The following CHN2 variants were observed in gnomAD, a reference collection of about 807,000 sequenced individuals.
The protein encoded by CHN2 is chimerin 2, also known as beta-chimaerin.
CHN2 carries 35 observed loss-of-function variants against 56.3 expected under a neutral mutation model. The observed-to-expected ratio is 0.62, with a 90% CI of 0.47 to 0.82. The LOEUF (loss-of-function observed/expected upper bound fraction) is 0.82. Ranked by LOEUF, CHN2 falls within the 40% of genes least tolerant of loss-of-function variation. The pLI is 0.00. For missense variants in CHN2, 491 were observed against 580.5 expected, an observed-to-expected ratio of 0.85 and a Z score of 1.58; for synonymous variants, 210 against 212.8, an observed-to-expected ratio of 0.99 and a Z score of 0.12.
intron 6 of CHN2, among the ~76,000 whole-genome samples, chr7:29,454,268 G>A (rs1784599150): frequency 6.6e-6 from 1 of 152,186 alleles, no homozygotes; most frequent in African/African-American, 2.4e-5. Flanking sequence ...TATGTGTGAA[G>A]TGTTTAGAGC....
upstream of CHN2, chr7:29,193,496 C>G (rs925076304): frequency 4.6e-5 from 7 of 152,076 alleles, no homozygotes; most frequent in African/African-American, 1.2e-4. Context: ...AATGAGAGTA[C>G]TTTCATTCCT....
chr7:29,204,067 CTGTGTGTGTGTGTGTGTGTG>C (rs55930139), intron 1 of CHN2, among the ~76,000 whole-genome samples: 39 of 128,852 alleles, frequency 3.0e-4, no homozygotes, highest in Non-Finnish European at 5.6e-4. Flanking sequence ...TTCTCTCTCT[CTGTGTGTGTGTGTGTGTGTG>C]TGTGTGTGTG....
chr7:29,434,046 T>C (rs1330829892), intron 6 of CHN2, among the ~76,000 whole-genome samples: 1 of 152,200 alleles, frequency 6.6e-6, no homozygotes, highest in Non-Finnish European at 1.5e-5. Flanking sequence ...CTCTTGGCCA[T>C]CTTTTCTTCC....
At chr7:29,309,977 G>A (rs1010251132) in intron 1 of CHN2, among the ~76,000 whole-genome samples, 1 of 152,150 alleles carries the variant, frequency 6.6e-6, no homozygotes, top group South Asian at 2.1e-4. Context: ...TGCCTCAAAT[G>A]GGCCTCTCCC....
intron 1 of CHN2, among the ~76,000 whole-genome samples, chr7:29,341,910 C>G (rs1797075784): frequency 6.6e-6 from 1 of 152,212 alleles, no homozygotes; most frequent in South Asian, 2.1e-4. Flanking sequence ...ACCATGTGGC[C>G]TTGGGAAAGT....
intron 7 of CHN2, among the ~76,000 whole-genome samples, chr7:29,491,595 G>A (rs1331980048): frequency 2.0e-5 from 3 of 152,086 alleles, no homozygotes; most frequent in Admixed American, 6.6e-5. Context: ...TCTTTTTAGA[G>A]ATGGAGTCTC....
chr7:29,244,010 C>A (rs1277822734), intron 1 of CHN2, among the ~76,000 whole-genome samples: 1 of 152,114 alleles, frequency 6.6e-6, no homozygotes. Context: ...GAGGGAACTT[C>A]CTGATTTTTT....
intron 1 of CHN2, among the ~76,000 whole-genome samples, chr7:29,232,196 A>G (rs1381024110): frequency 6.6e-6 from 1 of 152,218 alleles, no homozygotes; most frequent in Non-Finnish European, 1.5e-5. Flanking sequence ...GAGACAATAG[A>G]TTCAGGACCC....
chr7:29,224,937 G>A (rs991141719), intron 1 of CHN2, among the ~76,000 whole-genome samples: 5 of 152,096 alleles, frequency 3.3e-5, no homozygotes, highest in African/African-American at 7.2e-5. Context: ...TATCATCTCC[G>A]GAGAGAGAAA....
At chr7:29,274,474 G>A (rs940814591) in intron 1 of CHN2, among the ~76,000 whole-genome samples, 6 of 152,172 alleles carry the variant, frequency 3.9e-5, no homozygotes, top group Non-Finnish European at 7.3e-5. Flanking sequence ...CAACTCATCT[G>A]CTATTTCCTG....
chr7:29,266,546 G>A lies in CHN2; in HGVS notation c.49+71556G>A, dbSNP rs534724045. 3.9e-5 allele frequency among the ~76,000 whole-genome samples: 6 copies of A among 152,300 alleles called. No individual in the cohort carries two copies. The East Asian group carries it at 1.2e-3, about 29-fold the overall frequency. On this transcript the variant is annotated intron_variant, in intron 1 of 12. Coordinates refer to ENST00000222792, the MANE Select transcript of CHN2 (RefSeq NM_004067.4). The stretch of plus-strand genomic sequence containing the variant: ...GATCTAGCATTTATTGATCGTTTAT[G>A]AGCAAGAGATTGTGTTTCAAGTGTT...
At chr7:29,222,307 A>G (rs1562843437) in intron 1 of CHN2, among the ~76,000 whole-genome samples, 1 of 152,240 alleles carries the variant, frequency 6.6e-6, no homozygotes. Flanking sequence ...TATAGATTCA[A>G]TGCTATTCCC....
At chr7:29,462,210 CA>C (rs1785218878) in intron 6 of CHN2, among the ~76,000 whole-genome samples, 1 of 152,190 alleles carries the variant, frequency 6.6e-6, no homozygotes, top group Non-Finnish European at 1.5e-5. Context: ...CCTGAACAAA[CA>C]TATGTGCTTG....
chr7:29,157,654 T>C (rs1794593180), intron 2 of CHN2, among the ~76,000 whole-genome samples: 1 of 152,228 alleles, frequency 6.6e-6, no homozygotes, highest in African/African-American at 2.4e-5. Flanking sequence ...CGCTCCATAA[T>C]GTTTCATTGG....
chr7:29,302,411 A>T (rs1009623345), intron 1 of CHN2, among the ~76,000 whole-genome samples: 2 of 151,022 alleles, frequency 1.3e-5, no homozygotes, highest in Admixed American at 6.6e-5. Context: ...GCAGCTGCAA[A>T]CTCCTGAGCT....
At chr7:29,192,459 C>T (rs974992191), upstream of CHN2, 3 of 152,192 alleles carry the variant, frequency 2.0e-5, no homozygotes, top group Non-Finnish European at 2.9e-5. Flanking sequence ...AAACCTGTTA[C>T]CCTATTGCAC....
In CHN2 at chr7:29,160,372, A is replaced by G. The variant is rs560367011; in HGVS notation, c.274+13412A>G. 7.8e-4 allele frequency among the ~76,000 whole-genome samples: 118 copies of G among 152,242 alleles called. 1 individual carries two copies. The highest frequency in any genetic ancestry group is 3.4e-3 in the Middle Eastern group (1 of 294). On this transcript the variant is annotated intron_variant, in intron 2 of 6. Transcript: ENST00000439384. The stretch of plus-strand genomic sequence containing the variant: ...GTTCCTGTATGTGGCTGACAACGTT[A>G]CTGGCTTATCCATGTCATTCCCCTT...
chr7:29,218,926 A>G (rs1785557072), intron 1 of CHN2, among the ~76,000 whole-genome samples: 1 of 152,044 alleles, frequency 6.6e-6, no homozygotes, highest in East Asian at 1.9e-4. Context: ...CATGTTGTGC[A>G]CATGTACCCT....
rs1554366786 is a variant in CHN2, at chr7:29,220,280, A to AGAG, written c.49+25290_49+25291insGAG. On this transcript the variant is annotated intron_variant, in intron 1 of 12. Coordinates refer to ENST00000222792, the MANE Select transcript of CHN2 (RefSeq NM_004067.4). ...GGGAGACCCTGTCTTAAAAAAAAAA[A>AGAG]AGAGAGAGAGAGAGAGAGAGAAAGC... Among the ~76,000 whole-genome samples, 185 of 138,156 alleles carry AGAG rather than the reference A, an allele frequency of 1.3e-3. 1 individual carries two copies. The highest frequency in any genetic ancestry group is 4.0e-3 in the Middle Eastern group (1 of 252). 90.6% of individuals were successfully genotyped at this position (138,156 alleles called of 152,430 possible).
Sources: allele counts gnomAD v4.1 joint callset (sites outside exome capture counted in the v4.1 genomes callset), GRCh38; gene constraint gnomAD v4.1.1; transcripts MANE v1.5; gene names NCBI Gene and HGNC (gene_info 2026-07-23, HGNC 2026-07-21).